Variants in SLC35F3 observed in about 807,000 individuals in gnomAD.
SLC35F3 encodes the protein putative thiamine transporter SLC35F3.
Under a neutral mutation model 49.9 loss-of-function variants are expected in SLC35F3, and 25 were observed. The ratio of observed to expected loss-of-function variants is 0.50; its 90% CI spans 0.37 to 0.70. SLC35F3 has a LOEUF of 0.70. Among genes scored for constraint, SLC35F3 ranks in the 30% least tolerant of loss-of-function variants. The pLI is 0.00. For missense variants in SLC35F3, 525 were observed against 639.8 expected (o/e 0.82, Z 1.94); for synonymous variants, 275 against 265.4 (o/e 1.04, Z -0.35).
intron 3 of SLC35F3, among the ~76,000 whole-genome samples, chr1:234,253,218 C>T (rs982339974): frequency 6.6e-6 from 1 of 152,036 alleles, no homozygotes; most frequent in East Asian, 1.9e-4. Flanking sequence ...CCCAGCTACT[C>T]AGGAGGCTGA....
At chr1:234,248,118 G>T (rs1241502382) in intron 3 of SLC35F3, among the ~76,000 whole-genome samples, 1 of 152,240 alleles carries the variant, frequency 6.6e-6, no homozygotes, top group African/African-American at 2.4e-5. Context: ...CTGGTCAGTT[G>T]TTCTGTGGGT....
intron 3 of SLC35F3, among the ~76,000 whole-genome samples, chr1:234,267,793 A>G (rs942516816): frequency 1.8e-5 from 2 of 113,290 alleles, no homozygotes; most frequent in African/African-American, 6.0e-5. Flanking sequence ...GCGGCCGGGC[A>G]GAGACGCTCC....
chr1:233,943,063 A>T (rs1194666160), intron 2 of SLC35F3, among the ~76,000 whole-genome samples: 1 of 152,246 alleles, frequency 6.6e-6, no homozygotes, highest in Admixed American at 6.5e-5. Flanking sequence ...AAGATATGAA[A>T]CCAACCCAGT....
chr1:234,016,522 T>C (rs928380748), intron 2 of SLC35F3, among the ~76,000 whole-genome samples: 4 of 152,170 alleles, frequency 2.6e-5, no homozygotes, highest in Non-Finnish European at 5.9e-5. Flanking sequence ...GAGGACAACA[T>C]ACTAAATGAA....
intron 2 of SLC35F3, among the ~76,000 whole-genome samples, chr1:234,069,249 A>G (rs1286593349): frequency 1.6e-5 from 2 of 123,060 alleles, no homozygotes; most frequent in African/African-American, 6.5e-5. Context: ...TATATAATAT[A>G]TATATAAAAT....
At chr1:234,195,358 C>A (rs1158603893) in intron 2 of SLC35F3, among the ~76,000 whole-genome samples, 1 of 152,176 alleles carries the variant, frequency 6.6e-6, no homozygotes, top group African/African-American at 2.4e-5. Flanking sequence ...AGTCCAATTT[C>A]TTGATTCAAA....
At chr1:234,052,213 G>A (rs578094485) in intron 2 of SLC35F3, among the ~76,000 whole-genome samples, 1 of 152,318 alleles carries the variant, frequency 6.6e-6, no homozygotes, top group East Asian at 1.9e-4. Context: ...AGAAGGAATG[G>A]TACCAGCTCC....
At chr1:234,028,752 G>T (rs527801890) in intron 2 of SLC35F3, among the ~76,000 whole-genome samples, 2 of 152,314 alleles carry the variant, frequency 1.3e-5, no homozygotes, top group African/African-American at 4.8e-5. Context: ...GTAGAAAGTG[G>T]CATCTCTTCC....
intron 2 of SLC35F3, among the ~76,000 whole-genome samples, chr1:234,025,256 T>C (rs750408458): frequency 1.3e-5 from 2 of 152,270 alleles, no homozygotes; most frequent in African/African-American, 4.8e-5. Flanking sequence ...TCTTTGTTAT[T>C]GTAAATAGTG....
rs753919147 is a variant in SLC35F3 at position 234,182,898 on chromosome 1, C to T, written c.284-48519C>T. ...CCATATCTCTAGTCCATTTTCTATA[C>T]AATCATTGGTCTTTTGTTTCTCTAT... On this transcript the variant is annotated intron_variant, in intron 2 of 7. Transcript: ENST00000366618. 1.2e-4 allele frequency among the ~76,000 whole-genome samples: 17 copies of T among 144,434 alleles called. 2 individuals are homozygous for T. Among genetic ancestry groups the T allele is most frequent in the Middle Eastern group, 3.5e-3 (1 of 284 alleles). The allele number at this position is 144,434 out of a possible 152,430, so 94.8% of individuals were successfully genotyped here.
intron 2 of SLC35F3, among the ~76,000 whole-genome samples, chr1:233,975,546 A>T (rs1308369901): frequency 6.6e-6 from 1 of 152,256 alleles, no homozygotes; most frequent in African/African-American, 2.4e-5. Context: ...AAATAATGGC[A>T]GCACCAGAGG....
rs541846889 is a variant in SLC35F3 at position 234,161,761 on chromosome 1, G to C, written c.284-69656G>C. On this transcript the variant is annotated intron_variant, in intron 2 of 7. Transcript: ENST00000366618. Reference sequence around the variant, plus strand: ...GTTGAAGCTGCAGCGAGCTGTGATCGTGCCACTGCACTACAGCTTGGGTGA... The same window carrying C: ...GTTGAAGCTGCAGCGAGCTGTGATCCTGCCACTGCACTACAGCTTGGGTGA... 7.2e-5 allele frequency among the ~76,000 whole-genome samples: 11 copies of C among 152,248 alleles called. 1 individual carries two copies. In the South Asian group the frequency reaches 2.3e-3, roughly 32 times the overall value.
Position 234,306,920 on chromosome 1 carries a change from C to T in SLC35F3, c.609-2181C>T, listed in dbSNP as rs144626558. On this transcript the variant is annotated intron_variant, in intron 3 of 7. Coordinates refer to ENST00000366618, the MANE Select transcript of SLC35F3 (RefSeq NM_173508.4). ...AGGTGGAACTTGGAAATTCTGCTTG[C>T]ATGATGTTCTTCTCTTAGAAAGGGA... is the stretch of plus-strand genomic sequence containing the variant. Among the ~76,000 whole-genome samples the T allele has an allele frequency of 4.7e-3, 722 of 152,282 alleles. 6 individuals carry two copies. The highest frequency in any genetic ancestry group is 0.015 in the African/African-American group (636 of 41,550).
rs1293429491 is a variant in SLC35F3, at chr1:233,966,752, A to G, written c.283+60994A>G. ...TCATAGAAAGCCTTCCTTCTCTCAC[A>G]AGCTAATTCTGCAAAGGATCAAATA... is the stretch of plus-strand genomic sequence containing the variant. On this transcript the variant is annotated intron_variant, in intron 2 of 7. Coordinates refer to ENST00000366618, the MANE Select transcript of SLC35F3 (RefSeq NM_173508.4). 2.0e-5 allele frequency among the ~76,000 whole-genome samples: 3 copies of G among 152,234 alleles called. No homozygotes were observed. The South Asian group carries it at 6.2e-4, about 32-fold the overall frequency.
At chr1:234,315,408 C>G (rs984971577) in intron 4 of SLC35F3, among the ~76,000 whole-genome samples, 15 of 152,182 alleles carry the variant, frequency 9.9e-5, no homozygotes, top group African/African-American at 3.6e-4. Flanking sequence ...CTATGTGAAT[C>G]ATGCATTCCT....
At chr1:234,232,916 G>A (rs1420740989) in intron 3 of SLC35F3, among the ~76,000 whole-genome samples, 4 of 152,156 alleles carry the variant, frequency 2.6e-5, no homozygotes, top group African/African-American at 4.8e-5. Flanking sequence ...GGGAATTCTG[G>A]CTCCTTTAAA....
intron 3 of SLC35F3, among the ~76,000 whole-genome samples, chr1:234,281,950 A>G (rs1282103934): frequency 4.6e-5 from 7 of 152,174 alleles, no homozygotes; most frequent in African/African-American, 1.7e-4. Flanking sequence ...GGAGCACGCA[A>G]TGGCTGTGAG....
chr1:233,970,987 T>C (rs1470374464), intron 2 of SLC35F3, among the ~76,000 whole-genome samples: 1 of 152,146 alleles, frequency 6.6e-6, no homozygotes, highest in Non-Finnish European at 1.5e-5. Flanking sequence ...ATGAGAAGAA[T>C]TGTTTTGTTT....
At chr1:234,152,385 G>A (rs919190746) in intron 2 of SLC35F3, among the ~76,000 whole-genome samples, 2 of 151,912 alleles carry the variant, frequency 1.3e-5, no homozygotes, top group African/African-American at 2.4e-5. Flanking sequence ...CTCTCCCCTA[G>A]CCTCCCATCC....
Sources: gnomAD v4.1 joint callset for allele counts (sites outside exome capture counted in the v4.1 genomes callset) on GRCh38, gnomAD v4.1.1 for gene constraint, MANE v1.5 for transcripts, NCBI Gene and HGNC (gene_info 2026-07-23, HGNC 2026-07-21) for gene names.